The following VAV3 variants were observed in gnomAD, a reference collection of about 807,000 sequenced individuals.
The protein encoded by VAV3 is vav guanine nucleotide exchange factor 3.
A neutral mutation model predicts 131.2 loss-of-function variants in VAV3; 94 were observed. The ratio of observed to expected loss-of-function variants is 0.72; its 90% CI spans 0.61 to 0.85. The LOEUF (loss-of-function observed/expected upper bound fraction) is 0.85. VAV3 is among the 40% of genes least tolerant of loss of function. The pLI is 0.00. For missense variants in VAV3, 939 were observed against 1,002.7 expected (o/e 0.94, Z 0.86); for synonymous variants, 349 against 342.0 (o/e 1.02, Z -0.22).
intron 15 of VAV3, among the ~76,000 whole-genome samples, chr1:107,733,604 C>T (rs190649411): frequency 6.6e-6 from 1 of 152,082 alleles, no homozygotes; most frequent in East Asian, 1.9e-4. Flanking sequence ...ACACAAGCTT[C>T]GGTAGCCGAT....
At chr1:107,848,230 G>A (rs538793159) in intron 2 of VAV3, among the ~76,000 whole-genome samples, 49 of 150,922 alleles carry the variant, frequency 3.2e-4, no homozygotes, top group African/African-American at 9.3e-4. Flanking sequence ...GGAGAATGGC[G>A]TGAACCCTGG....
intron 25 of VAV3, among the ~76,000 whole-genome samples, chr1:107,591,439 G>A (rs933825510): frequency 3.3e-5 from 5 of 151,548 alleles, no homozygotes; most frequent in Non-Finnish European, 7.4e-5. Flanking sequence ...ATGAATAAAT[G>A]AATGAATGAA....
At chr1:107,914,182 C>T (rs1557920184) in intron 1 of VAV3, among the ~76,000 whole-genome samples, 1 of 152,174 alleles carries the variant, frequency 6.6e-6, no homozygotes, top group African/African-American at 2.4e-5. Context: ...ATGTAAATGG[C>T]TAATGAGTAC....
In VAV3 at chr1:107,803,152, T is replaced by G. The variant is rs58217386; in HGVS notation, c.322-23660A>C. Among the ~76,000 whole-genome samples, 1,205 of 152,120 alleles carry G rather than the reference T, an allele frequency of 7.9e-3. 16 individuals carry two copies. The highest frequency in any genetic ancestry group is 0.026 in the African/African-American group (1,094 of 41,566). On this transcript the variant is annotated intron_variant, in intron 2 of 26. Coordinates refer to ENST00000370056, the MANE Select transcript of VAV3 (RefSeq NM_006113.5). Reference sequence around the variant, plus strand: ...TATACTTATAATAGTTTCTAATGATTCTTTTTATTTCTGTGGTCTCAGTTG... The same window carrying G: ...TATACTTATAATAGTTTCTAATGATGCTTTTTATTTCTGTGGTCTCAGTTG...
chr1:107,635,730 C>G (rs1029325571), intron 20 of VAV3, among the ~76,000 whole-genome samples: 2 of 152,132 alleles, frequency 1.3e-5, no homozygotes, highest in African/African-American at 2.4e-5. Context: ...AAGACAGCCA[C>G]CATCCCAATA....
At chr1:107,949,250 T>C (rs1674419637) in intron 1 of VAV3, among the ~76,000 whole-genome samples, 1 of 152,260 alleles carries the variant, frequency 6.6e-6, no homozygotes, top group South Asian at 2.1e-4. Context: ...TTTTTTTACA[T>C]ATAATTCATT....
chr1:107,793,801 G>C (rs1039266546), intron 2 of VAV3, among the ~76,000 whole-genome samples: 1 of 152,322 alleles, frequency 6.6e-6, no homozygotes, highest in Non-Finnish European at 1.5e-5. Flanking sequence ...CTATATCAGA[G>C]AAAGAAGCCT....
chr1:107,898,908 C>G (rs1432368989), intron 1 of VAV3, among the ~76,000 whole-genome samples: 1 of 152,084 alleles, frequency 6.6e-6, no homozygotes, highest in Non-Finnish European at 1.5e-5. Flanking sequence ...AATAATGTCT[C>G]AGTCTAAGAA....
chr1:107,728,420 A>C (rs1013520934), intron 15 of VAV3, among the ~76,000 whole-genome samples: 1 of 152,094 alleles, frequency 6.6e-6, no homozygotes, highest in Non-Finnish European at 1.5e-5. Context: ...GAAGTCTGAG[A>C]CCATCCAGTA....
intron 17 of VAV3, among the ~76,000 whole-genome samples, chr1:107,697,563 G>C (rs1659824290): frequency 6.6e-6 from 1 of 152,182 alleles, no homozygotes; most frequent in Admixed American, 6.5e-5. Context: ...CCAAAGTTTA[G>C]AGAATGATGC....
At chr1:107,820,475 G>T (rs777758670) in intron 2 of VAV3, among the ~76,000 whole-genome samples, 10 of 152,004 alleles carry the variant, frequency 6.6e-5, no homozygotes, top group Non-Finnish European at 1.2e-4. Context: ...AGGGGAGTGG[G>T]GGGGTAGGGT....
chr1:107,952,251 C>T (rs1401412455), intron 1 of VAV3, among the ~76,000 whole-genome samples: 6 of 151,620 alleles, frequency 4.0e-5, no homozygotes, highest in Non-Finnish European at 1.5e-5. Flanking sequence ...TAAGTGAGGG[C>T]TAAATGATGA....
Position 107,778,713 on chromosome 1 carries a change from G to A in VAV3, c.380+721C>T, listed in dbSNP as rs547747694. Among the ~76,000 whole-genome samples, 6 of 152,280 alleles carry A rather than the reference G, an allele frequency of 3.9e-5. No individual in the cohort carries two copies. The East Asian group carries it at 1.2e-3, about 29-fold the overall frequency. ...GCCAGAGACAGAAATATGGAGCACT[G>A]AATAAAGAAGGTAAAAAACAAATTT... On this transcript the variant is annotated intron_variant, in intron 3 of 26. Coordinates refer to ENST00000370056, the MANE Select transcript of VAV3 (RefSeq NM_006113.5).
intron 2 of VAV3, among the ~76,000 whole-genome samples, chr1:107,815,739 C>A (rs1322060070): frequency 6.6e-6 from 1 of 152,102 alleles, no homozygotes. Context: ...TATGAGGTAC[C>A]TAGTAGCAAT....
chr1:107,581,342 C>G (rs761100188), intron 25 of VAV3, among the ~76,000 whole-genome samples: 6 of 152,170 alleles, frequency 3.9e-5, no homozygotes, highest in Non-Finnish European at 8.8e-5. Context: ...TGGCTCTCAA[C>G]TGAGCTAACA....
intron 1 of VAV3, among the ~76,000 whole-genome samples, chr1:107,960,960 TATAA>T (rs1189997703): frequency 4.0e-5 from 6 of 151,290 alleles, no homozygotes; most frequent in African/African-American, 1.5e-4. Context: ...AATATAAATA[TATAA>T]ATAAATTATA....
chr1:107,615,689 A>G (rs1345931040), intron 21 of VAV3, among the ~76,000 whole-genome samples: 2 of 152,170 alleles, frequency 1.3e-5, no homozygotes. Context: ...CAATATTTGT[A>G]AACTATGCAT....
At chr1:107,885,259 TTTTA>T (rs1226255819) in intron 1 of VAV3, among the ~76,000 whole-genome samples, 1 of 10,474 alleles carries the variant, frequency 9.5e-5, no homozygotes, top group East Asian at 1.2e-3. Context: ...CGCTTTTATT[TTTTA>T]TTTTTATTTT....
At chr1:107,737,553 C>T (rs1435715573) in intron 15 of VAV3, among the ~76,000 whole-genome samples, 1 of 152,152 alleles carries the variant, frequency 6.6e-6, no homozygotes, top group Non-Finnish European at 1.5e-5. Context: ...AGGATATGAA[C>T]AGACACTTCT....
Sources: allele counts gnomAD v4.1 joint callset (sites outside exome capture counted in the v4.1 genomes callset), GRCh38; gene constraint gnomAD v4.1.1; transcripts MANE v1.5; gene names NCBI Gene and HGNC (gene_info 2026-07-23, HGNC 2026-07-21).